The following CNTNAP5 variants were observed in gnomAD, a reference collection of about 807,000 sequenced individuals.
CNTNAP5 encodes the protein contactin associated protein family member 5.
In CNTNAP5, 72 loss-of-function variants were observed where a neutral mutation model predicts 150.2. That is an observed-to-expected ratio of 0.48 (90% CI 0.40 to 0.58). CNTNAP5 has a LOEUF of 0.58. Ranked by LOEUF, CNTNAP5 falls within the 20% of genes least tolerant of loss-of-function variation. The probability of loss-of-function intolerance (pLI) is 0.00; values close to 1 mark genes in which losing one functional copy is unlikely to be tolerated. For synonymous variants in CNTNAP5, 672 were observed against 619.8 expected, an observed-to-expected ratio of 1.08 and a Z score of -1.25; for missense variants, 1,636 against 1,626.2, an observed-to-expected ratio of 1.01 and a Z score of -0.10.
At chr2:124,537,169 A>T (rs1210258427) in intron 10 of CNTNAP5, among the ~76,000 whole-genome samples, 2 of 152,156 alleles carry the variant, frequency 1.3e-5, no homozygotes, top group Non-Finnish European at 2.9e-5. Flanking sequence ...AATTTGCCCA[A>T]GGTCACACAG....
Position 124,410,171 on chromosome 2 carries a change from A to G in CNTNAP5, c.382-7272A>G, listed in dbSNP as rs993458531. ...TGGTAAAGGGATCAATTCAACAAGA[A>G]GAGCTAACTATCCTAAATATATATG... On this transcript the variant is annotated intron_variant, in intron 3 of 23. Transcript: ENST00000682447. 4.6e-5 allele frequency among the ~76,000 whole-genome samples: 7 copies of G among 151,928 alleles called. 1 individual carries two copies. Among genetic ancestry groups the G allele is most frequent in the Middle Eastern group, 3.4e-3 (1 of 294 alleles).
chr2:124,895,663 C>T (rs888466977), intron 21 of CNTNAP5, among the ~76,000 whole-genome samples: 2 of 151,516 alleles, frequency 1.3e-5, no homozygotes, highest in African/African-American at 4.9e-5. Flanking sequence ...ACAAGCAAAA[C>T]AGGAACCCTT....
At chr2:124,411,251 A>G in intron 3 of CNTNAP5, among the ~76,000 whole-genome samples, 1 of 152,170 alleles carries the variant, frequency 6.6e-6, no homozygotes, top group East Asian at 1.9e-4. Context: ...TTACCAACCA[A>G]AAAGAGTCCA....
At chr2:124,762,885 T>G (rs724656) in intron 14 of CNTNAP5, among the ~76,000 whole-genome samples, 156 of 152,156 alleles carry the variant, frequency 1.0e-3, no homozygotes, top group African/African-American at 3.4e-3. Context: ...AGGAATTTTT[T>G]TGGGGGAAAA....
intron 2 of CNTNAP5, among the ~76,000 whole-genome samples, chr2:124,223,505 C>T (rs1261704313): frequency 6.6e-6 from 1 of 152,048 alleles, no homozygotes; most frequent in Non-Finnish European, 1.5e-5. Flanking sequence ...AGGAAGCCCA[C>T]TTTCCATTTC....
At chr2:124,516,917 T>G (rs2104878076) in intron 8 of CNTNAP5, among the ~76,000 whole-genome samples, 1 of 152,286 alleles carries the variant, frequency 6.6e-6, no homozygotes, top group East Asian at 1.9e-4. Context: ...GTGTCAAGGC[T>G]CTGCAACCTC....
Position 124,318,355 on chromosome 2 carries a change from A to G in CNTNAP5, c.381+75962A>G, listed in dbSNP as rs1327624513. Reference sequence around the variant, plus strand: ...TATACCTTCAATTCAAACAGAATATATATTTTAACCACTCATTTTTATAAG... The same window carrying G: ...TATACCTTCAATTCAAACAGAATATGTATTTTAACCACTCATTTTTATAAG... On this transcript the variant is annotated intron_variant, in intron 3 of 23. Transcript: ENST00000682447. Among the ~76,000 whole-genome samples, 3 of 152,360 alleles carry G rather than the reference A, an allele frequency of 2.0e-5. No homozygotes were observed. In the East Asian group the frequency reaches 5.8e-4, roughly 29 times the overall value.
At chr2:124,742,625 GAC>G (rs3042996) in intron 13 of CNTNAP5, among the ~76,000 whole-genome samples, 43,316 of 147,938 alleles carry the variant, frequency 0.29, 6,748 homozygotes, top group Non-Finnish European at 0.36. Context: ...TACACGCACA[GAC>G]ACACACACAC....
At chr2:124,727,894 AG>A (rs34337786) in intron 13 of CNTNAP5, among the ~76,000 whole-genome samples, 71,224 of 151,418 alleles carry the variant, frequency 0.47, 17,246 homozygotes, top group Non-Finnish European at 0.53. Context: ...CTAATCTTAG[AG>A]GAAAATCTTT....
chr2:124,861,257 A>G (rs1219847452), intron 19 of CNTNAP5, among the ~76,000 whole-genome samples: 1 of 151,980 alleles, frequency 6.6e-6, no homozygotes, highest in Non-Finnish European at 1.5e-5. Flanking sequence ...AGCATTTATA[A>G]TATCTGTTGT....
intron 1 of CNTNAP5, among the ~76,000 whole-genome samples, chr2:124,113,504 A>ATGTGTGTGTGTGTG (rs199692680): frequency 3.5e-5 from 4 of 115,352 alleles, no homozygotes; most frequent in Non-Finnish European, 7.3e-5. Context: ...TGATACATAT[A>ATGTGTGTGTGTGTG]TATGTGTGTG....
At chr2:124,557,355 C>G (rs910052464) in intron 10 of CNTNAP5, among the ~76,000 whole-genome samples, 2 of 151,996 alleles carry the variant, frequency 1.3e-5, no homozygotes, top group Admixed American at 1.3e-4. Context: ...AGTGAGGCTC[C>G]TTTGCCTGCC....
At chr2:124,553,755 G>A (rs899245161) in intron 10 of CNTNAP5, among the ~76,000 whole-genome samples, 3 of 152,122 alleles carry the variant, frequency 2.0e-5, no homozygotes, top group Admixed American at 2.0e-4. Flanking sequence ...TTCACCAAAA[G>A]GCAACCATTG....
intron 3 of CNTNAP5, among the ~76,000 whole-genome samples, chr2:124,403,978 C>T (rs1030622764): frequency 1.3e-5 from 2 of 152,194 alleles, no homozygotes; most frequent in South Asian, 4.1e-4. Context: ...AACCCACCCC[C>T]GTGATTCAAT....
At chr2:124,318,088 G>A (rs1258798651) in intron 3 of CNTNAP5, among the ~76,000 whole-genome samples, 1 of 152,306 alleles carries the variant, frequency 6.6e-6, no homozygotes, top group South Asian at 2.1e-4. Flanking sequence ...AGACTGCACT[G>A]GAGGCAGTGG....
intron 11 of CNTNAP5, among the ~76,000 whole-genome samples, chr2:124,602,338 C>CAA (rs35316532): frequency 6.2e-4 from 56 of 89,744 alleles, no homozygotes; most frequent in East Asian, 2.1e-3. Context: ...AAGACTTCAC[C>CAA]AAAAAAAAAA....
At chr2:124,797,722 A>C (rs111961093) in intron 18 of CNTNAP5, among the ~76,000 whole-genome samples, 7 of 152,130 alleles carry the variant, frequency 4.6e-5, no homozygotes, top group Non-Finnish European at 7.3e-5. Flanking sequence ...GTGCCAGTGT[A>C]TTTCTCTATG....
chr2:124,746,052 T>A (rs2105143590), intron 13 of CNTNAP5, among the ~76,000 whole-genome samples: 1 of 152,332 alleles, frequency 6.6e-6, no homozygotes, highest in South Asian at 2.1e-4. Context: ...CCTTGTAACA[T>A]CCTCAGACAA....
intron 19 of CNTNAP5, among the ~76,000 whole-genome samples, chr2:124,853,280 T>A (rs575363093): frequency 1.3e-5 from 2 of 152,346 alleles, no homozygotes; most frequent in South Asian, 2.1e-4. Context: ...CATTCTTAAA[T>A]ATCACTTTGT....
Sources: gnomAD v4.1 joint callset for allele counts (sites outside exome capture counted in the v4.1 genomes callset) on GRCh38, gnomAD v4.1.1 for gene constraint, MANE v1.5 for transcripts, NCBI Gene and HGNC (gene_info 2026-07-23, HGNC 2026-07-21) for gene names.